The following MLIP variants were observed in gnomAD, a reference collection of about 807,000 sequenced individuals.
MLIP encodes the protein muscular LMNA interacting protein, also known as muscular LMNA-interacting protein.
In MLIP, 79 loss-of-function variants were observed where a neutral mutation model predicts 84.8. That is an observed-to-expected ratio of 0.93 (90% CI 0.78 to 1.12). The LOEUF is 1.12. Among genes scored for constraint, MLIP ranks in the 50% most tolerant of loss-of-function variants. The probability of loss-of-function intolerance (pLI) is 0.00; values close to 1 mark genes in which losing one functional copy is unlikely to be tolerated. For synonymous variants in MLIP, 504 were observed against 463.0 expected (o/e 1.09, Z -1.14); for missense variants, 1,257 against 1,160.6 (o/e 1.08, Z -1.21).
chr6:54,171,797 G>C (rs768694258), intron 9 of MLIP, among the ~76,000 whole-genome samples: 1 of 151,290 alleles, frequency 6.6e-6, no homozygotes, highest in Non-Finnish European at 1.5e-5. Context: ...GAGTTTACTA[G>C]CTATGATTTA....
At chr6:54,024,475 G>T (rs1763686342) in intron 1 of MLIP, among the ~76,000 whole-genome samples, 1 of 152,158 alleles carries the variant, frequency 6.6e-6, no homozygotes, top group African/African-American at 2.4e-5. Context: ...TGTCTTCAGA[G>T]ATGCAACCTA....
At chr6:54,110,929 T>C (rs1035941933), upstream of MLIP, among the ~76,000 whole-genome samples, 1 of 152,254 alleles carries the variant, frequency 6.6e-6, no homozygotes, top group African/African-American at 2.4e-5. Flanking sequence ...TCACTACAGA[T>C]GCTCCTGTAT....
chr6:54,180,101 G>C (rs959438525), intron 9 of MLIP, among the ~76,000 whole-genome samples: 1 of 151,900 alleles, frequency 6.6e-6, no homozygotes, highest in Non-Finnish European at 1.5e-5. Context: ...TGTTGTTGTT[G>C]TTTGTTTGTT....
intron 1 of MLIP, among the ~76,000 whole-genome samples, chr6:54,095,271 A>C (rs1768130848): frequency 6.6e-6 from 1 of 152,134 alleles, no homozygotes. Context: ...GGCTAAAGTA[A>C]ACATATTGGT....
chr6:54,070,435 T>C (rs1262974475), intron 1 of MLIP, among the ~76,000 whole-genome samples: 1 of 152,192 alleles, frequency 6.6e-6, no homozygotes, highest in Non-Finnish European at 1.5e-5. Flanking sequence ...TGCTAGTATA[T>C]GCAGTCAATG....
chr6:54,235,012 T>G (rs1260134297), intron 12 of MLIP, among the ~76,000 whole-genome samples: 1 of 152,186 alleles, frequency 6.6e-6, no homozygotes, highest in Admixed American at 6.5e-5. Flanking sequence ...TAGGATGTCA[T>G]GTTGTCACCT....
At position 54,136,783 on chromosome 6, in the gene MLIP, A is replaced by G; in HGVS notation, c.714A>G (p.Pro238=). The G allele has an allele frequency of 1.3e-6, 2 of 1,521,758 alleles. No homozygotes were observed. Among genetic ancestry groups the G allele is most frequent in the Admixed American group, 3.9e-5 (2 of 50,662 alleles). 94.3% of individuals were successfully genotyped at this position (1,521,758 alleles called of 1,614,324 possible). The change falls in exon 4 of 14, where the codon CCA becomes CCG. Residue 238 remains proline (P), a synonymous_variant. Transcript: ENST00000502396. ...CKPPAFSFVS[P]TNPNTPPDPV... ...CACCTGCTTTCTCCTTTGTTTCTCC[A>G]ACTAATCCGAACACACCACCCGACC... is the stretch of plus-strand genomic sequence containing the variant.
chr6:54,215,265 A>G, intron 11 of MLIP: 1 of 1,491,428 alleles, frequency 6.7e-7, no homozygotes, highest in Non-Finnish European at 8.8e-7. Context: ...ACTTCCTGAA[A>G]AAGAGAAAAA....
chr6:54,237,330 G>A (rs1352114532), intron 12 of MLIP, among the ~76,000 whole-genome samples: 2 of 151,578 alleles, frequency 1.3e-5, no homozygotes, highest in South Asian at 2.1e-4. Context: ...AGGAGAGGGG[G>A]TGGGGCAGCA....
chr6:54,070,302 T>G (rs577739665), intron 1 of MLIP, among the ~76,000 whole-genome samples: 1 of 152,114 alleles, frequency 6.6e-6, no homozygotes, highest in Non-Finnish European at 1.5e-5. Flanking sequence ...TGATATGATG[T>G]TAGATTTTTT....
At chr6:54,180,709 T>C (rs1776765897) in intron 9 of MLIP, among the ~76,000 whole-genome samples, 1 of 152,188 alleles carries the variant, frequency 6.6e-6, no homozygotes, top group South Asian at 2.1e-4. Flanking sequence ...AATCTCTTTG[T>C]TAAATTTATC....
chr6:54,231,064 G>A, intron 12 of MLIP, 147 bp downstream of exon 12: 2 of 610,764 alleles, frequency 3.3e-6, no homozygotes, highest in Admixed American at 3.3e-5. Context: ...AAATATTTGT[G>A]TGAAAGCACA....
intron 11 of MLIP, among the ~76,000 whole-genome samples, chr6:54,230,221 T>C (rs1292376281): frequency 6.6e-6 from 1 of 152,172 alleles, no homozygotes; most frequent in Non-Finnish European, 1.5e-5. Flanking sequence ...CCGAAACTTA[T>C]TGTGTCATGA....
intron 11 of MLIP, among the ~76,000 whole-genome samples, chr6:54,213,725 A>C (rs1200919036): frequency 1.5e-5 from 2 of 129,060 alleles, no homozygotes; most frequent in African/African-American, 6.9e-5. Flanking sequence ...AAAAAAAAAA[A>C]AAAAAAAAAA....
chr6:54,233,476 G>A (rs949674367), intron 12 of MLIP, among the ~76,000 whole-genome samples: 1 of 152,040 alleles, frequency 6.6e-6, no homozygotes, highest in Non-Finnish European at 1.5e-5. Context: ...ATGGTTTCCA[G>A]CTTCATCCAT....
chr6:54,202,104 G>T lies in MLIP; in HGVS notation c.2590-1G>T. Reference sequence around the variant, plus strand: ...AAAATATTTATTTTACATTCATGAAGACTAAGCCTGGAGTAATTCGCCCAG... The same window carrying T: ...AAAATATTTATTTTACATTCATGAATACTAAGCCTGGAGTAATTCGCCCAG... On this transcript the variant is annotated splice_acceptor_variant, in intron 10 of 13. Transcript: ENST00000502396. LOFTEE classifies it high-confidence loss of function. 1 of 1,568,790 alleles carries T rather than the reference G, an allele frequency of 6.4e-7. No individual in the cohort carries two copies. The highest frequency in any genetic ancestry group is 1.2e-5 in the South Asian group (1 of 82,164).
At chr6:54,228,359 T>G (rs2150795280) in intron 11 of MLIP, among the ~76,000 whole-genome samples, 1 of 152,284 alleles carries the variant, frequency 6.6e-6, no homozygotes, top group Middle Eastern at 3.4e-3. Flanking sequence ...ATATTGAAGC[T>G]GTAACCACTA....
At chr6:54,107,730 C>T (rs1769120687), upstream of MLIP, among the ~76,000 whole-genome samples, 1 of 152,170 alleles carries the variant, frequency 6.6e-6, no homozygotes, top group African/African-American at 2.4e-5. Context: ...TTTAATGAGA[C>T]TATAAGCCAT....
chr6:54,189,762 A>G (rs750677072), intron 9 of MLIP, 108 bp from the exon 10 acceptor site: 1 of 790,906 alleles, frequency 1.3e-6, no homozygotes, highest in Non-Finnish European at 2.1e-6. Flanking sequence ...ACTTTTCAAA[A>G]TCCTATCATG....
Sources: allele counts gnomAD v4.1 joint callset (sites outside exome capture counted in the v4.1 genomes callset), GRCh38; gene constraint gnomAD v4.1.1; transcripts MANE v1.5; gene names NCBI Gene and HGNC (gene_info 2026-07-23, HGNC 2026-07-21).